The following C8orf34 variants were observed in gnomAD, a reference collection of about 807,000 sequenced individuals.
C8orf34 encodes chromosome 8 open reading frame 34, also known as uncharacterized protein C8orf34.
Under a neutral mutation model 68.3 loss-of-function variants are expected in C8orf34, and 65 were observed. That is an observed-to-expected ratio of 0.95 (90% CI 0.78 to 1.17). C8orf34 has a LOEUF of 1.17. Ranked by LOEUF, C8orf34 falls within the 50% of genes most tolerant of loss-of-function variation. The pLI is 0.00. For synonymous variants in C8orf34, 244 were observed against 241.2 expected (o/e 1.01, Z -0.11); for missense variants, 664 against 655.4 (o/e 1.01, Z -0.14).
Position 68,397,819 on chromosome 8 carries a change from A to G in C8orf34, c.328-41680A>G, listed in dbSNP as rs575129923. 5.3e-5 allele frequency among the ~76,000 whole-genome samples: 8 copies of G among 152,148 alleles called. No individual in the cohort carries two copies. In the South Asian group the frequency reaches 1.5e-3, roughly 28 times the overall value. ...AGTCTCACTCTGTTGCCCAGTCTTA[A>G]GTGCAATGGCATTATGTCAGCTCAC... On this transcript the variant is annotated intron_variant, in intron 1 of 13. Transcript: ENST00000518698.
intron 4 of C8orf34, among the ~76,000 whole-genome samples, chr8:68,481,368 G>A (rs867217669): frequency 1.3e-5 from 2 of 152,094 alleles, no homozygotes; most frequent in African/African-American, 4.8e-5. Context: ...CTAGGGCAGT[G>A]TGGAAGGGAA....
chr8:68,501,051 A>G (rs1237874295), intron 5 of C8orf34, among the ~76,000 whole-genome samples: 6 of 152,146 alleles, frequency 3.9e-5, no homozygotes, highest in African/African-American at 7.2e-5. Context: ...CAATGCATCA[A>G]TTCACTGCAG....
At chr8:68,601,901 T>A (rs928408512) in intron 7 of C8orf34, among the ~76,000 whole-genome samples, 5 of 152,192 alleles carry the variant, frequency 3.3e-5, no homozygotes, top group African/African-American at 1.2e-4. Context: ...GAATAGCACA[T>A]GATCCAGGTG....
intron 7 of C8orf34, among the ~76,000 whole-genome samples, chr8:68,551,856 T>A (rs1816083348): frequency 6.6e-6 from 1 of 152,182 alleles, no homozygotes; most frequent in African/African-American, 2.4e-5. Flanking sequence ...AAGTTTTAAC[T>A]CTTACATTTA....
chr8:68,814,773 A>C (rs1419517685), intron 12 of C8orf34, among the ~76,000 whole-genome samples: 1 of 152,216 alleles, frequency 6.6e-6, no homozygotes, highest in Non-Finnish European at 1.5e-5. Flanking sequence ...GAATGTATGA[A>C]ATGACAACCA....
chr8:68,725,853 A>G (rs1339061207), intron 10 of C8orf34, among the ~76,000 whole-genome samples: 1 of 152,162 alleles, frequency 6.6e-6, no homozygotes, highest in Non-Finnish European at 1.5e-5. Context: ...TGTAATGAAA[A>G]GGAGATAAGT....
At chr8:68,468,897 A>G in intron 4 of C8orf34, 77 bp downstream of exon 4, 1 of 1,468,618 alleles carries the variant, frequency 6.8e-7, no homozygotes, top group East Asian at 2.3e-5. Context: ...TGTGCCAATA[A>G]CCCATTTCTA....
intron 10 of C8orf34, among the ~76,000 whole-genome samples, chr8:68,760,468 G>C (rs929592172): frequency 6.6e-6 from 1 of 152,174 alleles, no homozygotes; most frequent in African/African-American, 2.4e-5. Flanking sequence ...TTTGGAGCTT[G>C]ATTTCCAGGG....
chr8:68,817,955 G>T (rs1368792307), intron 13 of C8orf34, among the ~76,000 whole-genome samples: 1 of 151,852 alleles, frequency 6.6e-6, no homozygotes, highest in Admixed American at 6.6e-5. Flanking sequence ...CCTCCACCTG[G>T]TATCTCCCTT....
intron 4 of C8orf34, among the ~76,000 whole-genome samples, chr8:68,471,638 A>T (rs982801050): frequency 6.6e-6 from 1 of 151,952 alleles, no homozygotes. Flanking sequence ...AGGGGATGGG[A>T]TTTTCCTCCA....
At chr8:68,638,599 T>C (rs1382906089) in intron 7 of C8orf34, among the ~76,000 whole-genome samples, 1 of 152,098 alleles carries the variant, frequency 6.6e-6, no homozygotes, top group East Asian at 1.9e-4. Context: ...CTAGCAGAGT[T>C]AGGAAACCCT....
chr8:68,574,554 C>T (rs1816848301), intron 7 of C8orf34, among the ~76,000 whole-genome samples: 1 of 152,024 alleles, frequency 6.6e-6, no homozygotes, highest in Non-Finnish European at 1.5e-5. Context: ...ATAGACAATA[C>T]TTCTTATAGA....
intron 8 of C8orf34, among the ~76,000 whole-genome samples, chr8:68,678,397 G>A (rs2130867011): frequency 1.3e-5 from 2 of 152,202 alleles, no homozygotes; most frequent in South Asian, 4.1e-4. Context: ...ACAATCAGAT[G>A]GGAATTATAT....
chr8:68,629,757 G>A (rs920980387), intron 7 of C8orf34, among the ~76,000 whole-genome samples: 1 of 151,906 alleles, frequency 6.6e-6, no homozygotes, highest in Non-Finnish European at 1.5e-5. Context: ...TGTAATAGGT[G>A]TGTGTGTGTA....
At chr8:68,343,681 CCTCCTG>C (rs1231590148) in intron 1 of C8orf34, among the ~76,000 whole-genome samples, 1 of 151,912 alleles carries the variant, frequency 6.6e-6, no homozygotes, top group Non-Finnish European at 1.5e-5. Context: ...GCAACCTCTG[CCTCCTG>C]GGTTCAAACG....
At chr8:68,784,866 T>C (rs1823801372) in intron 11 of C8orf34, among the ~76,000 whole-genome samples, 5 of 151,928 alleles carry the variant, frequency 3.3e-5, no homozygotes, top group Admixed American at 3.3e-4. Flanking sequence ...TACCAGATGG[T>C]TCGGCTTATC....
At chr8:68,773,591 G>A (rs12547699) in intron 10 of C8orf34, among the ~76,000 whole-genome samples, 29 of 152,068 alleles carry the variant, frequency 1.9e-4, no homozygotes, top group Middle Eastern at 3.4e-3. Flanking sequence ...GTAAAGACGA[G>A]GTTTCACCAT....
intron 7 of C8orf34, among the ~76,000 whole-genome samples, chr8:68,622,602 G>A (rs1818420542): frequency 6.6e-6 from 1 of 152,178 alleles, no homozygotes; most frequent in South Asian, 2.1e-4. Flanking sequence ...GTGAGCATAA[G>A]AGACAATATT....
intron 8 of C8orf34, among the ~76,000 whole-genome samples, chr8:68,644,110 C>T (rs1819095672): frequency 6.6e-6 from 1 of 152,136 alleles, no homozygotes; most frequent in South Asian, 2.1e-4. Context: ...AATAAACTCA[C>T]AACAGGCAGT....
Sources: gnomAD v4.1 joint callset for allele counts (sites outside exome capture counted in the v4.1 genomes callset) on GRCh38, gnomAD v4.1.1 for gene constraint, MANE v1.5 for transcripts, NCBI Gene and HGNC (gene_info 2026-07-23, HGNC 2026-07-21) for gene names.